Variants in ASIC2 observed in about 807,000 individuals in gnomAD.
ASIC2 encodes the protein acid sensing ion channel subunit 2.
In ASIC2, 25 loss-of-function variants were observed where a neutral mutation model predicts 57.3. That is an observed-to-expected ratio of 0.44 (90% CI 0.32 to 0.61). ASIC2 has a LOEUF of 0.61. ASIC2 is among the 20% of genes least tolerant of loss of function. ASIC2 has a pLI of 0.06. For missense variants in ASIC2, 641 were observed against 738.1 expected, an observed-to-expected ratio of 0.87 and a Z score of 1.52; for synonymous variants, 319 against 307.5, an observed-to-expected ratio of 1.04 and a Z score of -0.39.
chr17:33,810,863 G>GCACA (rs1401695527), intron 1 of ASIC2, among the ~76,000 whole-genome samples: 6 of 107,984 alleles, frequency 5.6e-5, no homozygotes, highest in Non-Finnish European at 9.5e-5. Context: ...AACGAACTAT[G>GCACA]CACACACACA....
At chr17:33,994,017 C>T (rs928869189) in intron 1 of ASIC2, among the ~76,000 whole-genome samples, 1 of 152,068 alleles carries the variant, frequency 6.6e-6, no homozygotes, top group Non-Finnish European at 1.5e-5. Flanking sequence ...GCCTGTGTAT[C>T]TCCAGAGCCC....
chr17:33,515,543 T>G (rs145605373), intron 1 of ASIC2, among the ~76,000 whole-genome samples: 189 of 152,348 alleles, frequency 1.2e-3, no homozygotes, highest in African/African-American at 4.2e-3. Flanking sequence ...ACACGGAATG[T>G]GAAGTGTTAG....
chr17:33,371,463 A>G (rs1327662139), intron 1 of ASIC2, among the ~76,000 whole-genome samples: 2 of 152,220 alleles, frequency 1.3e-5, no homozygotes, highest in Non-Finnish European at 2.9e-5. Context: ...AACTACAACA[A>G]AAAATAATTG....
intron 1 of ASIC2, among the ~76,000 whole-genome samples, chr17:34,075,407 T>C (rs1032974632): frequency 3.3e-5 from 5 of 152,222 alleles, no homozygotes; most frequent in Non-Finnish European, 5.9e-5. Flanking sequence ...AGTTTCCCCA[T>C]TGGTACTAGA....
intron 1 of ASIC2, among the ~76,000 whole-genome samples, chr17:33,612,000 G>C (rs905670863): frequency 4.6e-5 from 7 of 152,196 alleles, no homozygotes; most frequent in African/African-American, 1.7e-4. Flanking sequence ...GGACCAGAAG[G>C]GCTGATACAG....
chr17:33,689,555 C>A (rs1168197010), intron 1 of ASIC2, among the ~76,000 whole-genome samples: 2 of 151,746 alleles, frequency 1.3e-5, no homozygotes, highest in African/African-American at 2.4e-5. Context: ...TGGAGGCAAC[C>A]AATCTGTACC....
At chr17:33,081,490 T>C (rs925880729) in intron 3 of ASIC2, among the ~76,000 whole-genome samples, 2 of 152,142 alleles carry the variant, frequency 1.3e-5, no homozygotes, top group Admixed American at 1.3e-4. Context: ...GATGCTTCCA[T>C]ATTTATGCGG....
intron 1 of ASIC2, among the ~76,000 whole-genome samples, chr17:33,747,375 C>G (rs993769859): frequency 6.6e-6 from 1 of 152,018 alleles, no homozygotes; most frequent in African/African-American, 2.4e-5. Context: ...AGGCATGCAC[C>G]ACCACGCCCA....
intron 3 of ASIC2, among the ~76,000 whole-genome samples, chr17:33,071,472 T>C (rs773855190): frequency 1.3e-5 from 2 of 152,198 alleles, no homozygotes; most frequent in Non-Finnish European, 2.9e-5. Context: ...TTTGAACTTA[T>C]GAGATTTAGC....
At chr17:34,019,526 G>A (rs1038413167) in intron 1 of ASIC2, among the ~76,000 whole-genome samples, 2 of 152,196 alleles carry the variant, frequency 1.3e-5, no homozygotes, top group African/African-American at 2.4e-5. Flanking sequence ...ACTGAGGCAA[G>A]ACCCTCCACC....
chr17:33,467,804 T>C (rs907534937), intron 1 of ASIC2, among the ~76,000 whole-genome samples: 7 of 152,200 alleles, frequency 4.6e-5, no homozygotes, highest in African/African-American at 1.7e-4. Context: ...ACAAAACCAA[T>C]GCACATCTTA....
intron 1 of ASIC2, among the ~76,000 whole-genome samples, chr17:33,831,539 A>T (rs1306214001): frequency 1.3e-5 from 2 of 151,946 alleles, no homozygotes; most frequent in African/African-American, 4.8e-5. Flanking sequence ...AGGCAGATTG[A>T]TAAAGTTATT....
chr17:33,608,918 A>T (rs1905304746), intron 1 of ASIC2, among the ~76,000 whole-genome samples: 1 of 152,096 alleles, frequency 6.6e-6, no homozygotes, highest in Non-Finnish European at 1.5e-5. Flanking sequence ...AAATGATGTC[A>T]TTATCCTCTA....
intron 2 of ASIC2, among the ~76,000 whole-genome samples, chr17:33,111,433 A>T (rs2092257616): frequency 6.6e-6 from 1 of 152,208 alleles, no homozygotes; most frequent in Non-Finnish European, 1.5e-5. Flanking sequence ...TTACATAGGC[A>T]CAGGCAAGGT....
At chr17:33,706,322 C>A (rs1242450719) in intron 1 of ASIC2, among the ~76,000 whole-genome samples, 1 of 151,586 alleles carries the variant, frequency 6.6e-6, no homozygotes, top group African/African-American at 2.4e-5. Flanking sequence ...CAGGCTCAAG[C>A]CATCCTCCCA....
At chr17:33,510,487 T>G (rs1034958851) in intron 1 of ASIC2, among the ~76,000 whole-genome samples, 3 of 151,682 alleles carry the variant, frequency 2.0e-5, no homozygotes, top group African/African-American at 7.3e-5. Flanking sequence ...CTACAAAAAC[T>G]AAACAGAATT....
At chr17:33,867,195 GA>G in intron 1 of ASIC2, among the ~76,000 whole-genome samples, 1 of 152,192 alleles carries the variant, frequency 6.6e-6, no homozygotes, top group East Asian at 1.9e-4. Flanking sequence ...AAATTTTTTA[GA>G]TTTTCTGCTA....
intron 1 of ASIC2, among the ~76,000 whole-genome samples, chr17:33,674,814 T>G (rs929350211): frequency 6.6e-6 from 1 of 152,230 alleles, no homozygotes; most frequent in Middle Eastern, 3.2e-3. Context: ...GAATGTAGTG[T>G]AGCACAAAGA....
At chr17:33,382,416 GAT>G (rs1215053266) in intron 1 of ASIC2, among the ~76,000 whole-genome samples, 1 of 152,186 alleles carries the variant, frequency 6.6e-6, no homozygotes, top group African/African-American at 2.4e-5. Context: ...GCTGGTGAAA[GAT>G]ATGTCTCCAG....
Sources: gnomAD v4.1 joint callset for allele counts (sites outside exome capture counted in the v4.1 genomes callset) on GRCh38, gnomAD v4.1.1 for gene constraint, MANE v1.5 for transcripts, NCBI Gene and HGNC (gene_info 2026-07-23, HGNC 2026-07-21) for gene names.